The following TAFA4 variants were observed in gnomAD, a reference collection of about 807,000 sequenced individuals.
TAFA4 encodes TAFA chemokine like family member 4, also known as chemokine-like protein TAFA-4.
TAFA4 carries 20 observed loss-of-function variants against 21.1 expected under a neutral mutation model. The ratio of observed to expected loss-of-function variants is 0.95; its 90% CI spans 0.67 to 1.38. TAFA4 has a LOEUF of 1.38. Among genes scored for constraint, TAFA4 ranks in the 40% most tolerant of loss-of-function variants. The pLI is 0.00. For missense variants in TAFA4, 211 were observed against 180.9 expected, an observed-to-expected ratio of 1.17 and a Z score of -0.95; for synonymous variants, 71 against 67.4, an observed-to-expected ratio of 1.05 and a Z score of -0.26.
intron 4 of TAFA4, among the ~76,000 whole-genome samples, chr3:68,740,427 A>T (rs190654089): frequency 6.6e-6 from 1 of 152,354 alleles, no homozygotes; most frequent in Non-Finnish European, 1.5e-5. Context: ...AAGAAGCCAC[A>T]GGAACATGGG....
In TAFA4 at chr3:68,890,236, A is replaced by G. The variant is rs7612398; in HGVS notation, c.-122-4926T>C. ...AGAAAGGGAATTAATGAATGCAAAA[A>G]CTAATAAGCAAAAGGTAAGCAATTG... On this transcript the variant is annotated intron_variant, in intron 1 of 5. Coordinates refer to ENST00000295569, the MANE Select transcript of TAFA4 (RefSeq NM_182522.5). 1.2e-3 allele frequency among the ~76,000 whole-genome samples: 186 copies of G among 152,302 alleles called. 2 individuals are homozygous for G. The highest frequency in any genetic ancestry group is 4.4e-3 in the African/African-American group (183 of 41,570).
chr3:68,797,991 A>T (rs1360515024), intron 3 of TAFA4, among the ~76,000 whole-genome samples: 1 of 152,242 alleles, frequency 6.6e-6, no homozygotes, highest in Non-Finnish European at 1.5e-5. Context: ...TGTTTAATGA[A>T]ATAGGTGATG....
chr3:68,910,492 A>C (rs1409775441), intron 1 of TAFA4, among the ~76,000 whole-genome samples: 1 of 152,242 alleles, frequency 6.6e-6, no homozygotes, highest in Admixed American at 6.5e-5. Context: ...AGTAAGATAG[A>C]TTTAGGTTAA....
chr3:68,855,808 A>G (rs1270517911), intron 3 of TAFA4, among the ~76,000 whole-genome samples: 2 of 152,024 alleles, frequency 1.3e-5, no homozygotes, highest in African/African-American at 4.8e-5. Context: ...AAAGTGGTCA[A>G]GTAACCCTGT....
intron 4 of TAFA4, among the ~76,000 whole-genome samples, chr3:68,751,599 G>A (rs1236337125): frequency 6.6e-6 from 1 of 151,868 alleles, no homozygotes; most frequent in African/African-American, 2.4e-5. Flanking sequence ...TTTTTAATAG[G>A]TTGACAATCC....
chr3:68,745,674 A>G (rs1702444636), intron 4 of TAFA4, among the ~76,000 whole-genome samples: 1 of 152,218 alleles, frequency 6.6e-6, no homozygotes. Flanking sequence ...ATTGTATAAA[A>G]TGAGTTTTAT....
chr3:68,745,328 TAA>T lies in TAFA4; in HGVS notation c.287-6131_287-6130del, dbSNP rs565079163. On this transcript the variant is annotated intron_variant, in intron 4 of 5. Coordinates refer to ENST00000295569, the MANE Select transcript of TAFA4 (RefSeq NM_182522.5). ...ACTGAGCCTTGTCTCCACAGGAAAA[TAA>T]GTTTGTAGGAGGCATAGATATTTTT... Among the ~76,000 whole-genome samples the T allele has an allele frequency of 3.2e-4, 48 of 152,298 alleles. No individual in the cohort carries two copies. The South Asian group carries it at 9.9e-3, about 32-fold the overall frequency.
intron 3 of TAFA4, among the ~76,000 whole-genome samples, chr3:68,769,127 T>C (rs1463066228): frequency 6.6e-6 from 1 of 152,204 alleles, no homozygotes; most frequent in Non-Finnish European, 1.5e-5. Context: ...GCTTCATCTG[T>C]ATTTACAGCT....
chr3:68,815,561 A>C (rs1404799287), intron 3 of TAFA4, among the ~76,000 whole-genome samples: 1 of 152,246 alleles, frequency 6.6e-6, no homozygotes, highest in Non-Finnish European at 1.5e-5. Context: ...ACGCATGAAA[A>C]AATGTTCATT....
At chr3:68,816,791 T>C (rs1703988706) in intron 3 of TAFA4, among the ~76,000 whole-genome samples, 1 of 132,748 alleles carries the variant, frequency 7.5e-6, no homozygotes, top group Admixed American at 7.5e-5. Flanking sequence ...CCCGTGCATA[T>C]AAAAGTTATG....
intron 4 of TAFA4, among the ~76,000 whole-genome samples, chr3:68,752,015 T>C (rs531682900): frequency 6.6e-6 from 1 of 152,322 alleles, no homozygotes. Context: ...TATGTCTATA[T>C]GTGTGTTTGG....
intron 3 of TAFA4, among the ~76,000 whole-genome samples, chr3:68,767,507 G>A (rs1702877679): frequency 6.6e-6 from 1 of 151,926 alleles, no homozygotes; most frequent in Admixed American, 6.6e-5. Flanking sequence ...TTAACAAGAG[G>A]TTATAAGTAA....
intron 3 of TAFA4, among the ~76,000 whole-genome samples, chr3:68,833,281 C>T (rs1262132210): frequency 6.6e-6 from 1 of 152,196 alleles, no homozygotes; most frequent in Non-Finnish European, 1.5e-5. Context: ...GTCAATCTCG[C>T]TGGAAGCTAT....
intron 3 of TAFA4, among the ~76,000 whole-genome samples, chr3:68,855,079 T>C (rs1471807833): frequency 6.6e-6 from 1 of 152,158 alleles, no homozygotes; most frequent in Admixed American, 6.6e-5. Flanking sequence ...AATGACTGTA[T>C]GAAAGCTAAG....
chr3:68,796,284 T>A (rs749931322), intron 3 of TAFA4, among the ~76,000 whole-genome samples: 1 of 152,150 alleles, frequency 6.6e-6, no homozygotes, highest in Admixed American at 6.6e-5. Context: ...AACACCTGAT[T>A]ATAAGGTTCA....
chr3:68,753,628 C>G (rs9817400), intron 3 of TAFA4, among the ~76,000 whole-genome samples: 74,906 of 151,962 alleles, frequency 0.49, 18,830 homozygotes, highest in African/African-American at 0.54. Flanking sequence ...GAGCCACCGT[C>G]ACTGGCCAAC....
rs1245200765 is a variant in TAFA4 at position 68,841,066 on chromosome 3, G to GCAT, written c.130+39663_130+39664insATG. Among the ~76,000 whole-genome samples, 140 of 73,584 alleles carry GCAT rather than the reference G, an allele frequency of 1.9e-3. 9 individuals are homozygous for GCAT. Among genetic ancestry groups the GCAT allele is most frequent in the Non-Finnish European group, 2.4e-3 (65 of 27,386 alleles). The allele number at this position is 73,584 out of a possible 152,430, so 48.3% of individuals were successfully genotyped here. Reference sequence around the variant, plus strand: ...GGTGATATTAAAGAATAAAATCCATGTAATCCCAGCACTTTGGGAGGCCGA... The same window carrying GCAT: ...GGTGATATTAAAGAATAAAATCCATGCATTAATCCCAGCACTTTGGGAGGCCGA... On this transcript the variant is annotated intron_variant, in intron 3 of 5. Transcript: ENST00000295569.
intron 3 of TAFA4, among the ~76,000 whole-genome samples, chr3:68,772,666 C>A (rs1187416763): frequency 6.6e-6 from 1 of 152,120 alleles, no homozygotes; most frequent in Non-Finnish European, 1.5e-5. Context: ...AAAGACCAAG[C>A]ACAGGATTAG....
At chr3:68,877,162 C>T (rs1022415334) in intron 3 of TAFA4, among the ~76,000 whole-genome samples, 2 of 152,010 alleles carry the variant, frequency 1.3e-5, no homozygotes, top group African/African-American at 4.8e-5. Context: ...AGTTCGAGAC[C>T]AGCCTGGATA....
Sources: allele counts gnomAD v4.1 joint callset (sites outside exome capture counted in the v4.1 genomes callset), GRCh38; gene constraint gnomAD v4.1.1; transcripts MANE v1.5; gene names NCBI Gene and HGNC (gene_info 2026-07-23, HGNC 2026-07-21).